PSMB7: variants seen among roughly 807,000 people sequenced by gnomAD.
PSMB7 encodes proteasome 20S subunit beta 7.
PSMB7 carries 5 observed loss-of-function variants against 28.1 expected under a neutral mutation model. That is an observed-to-expected ratio of 0.18 (90% confidence interval 0.09 to 0.37). The LOEUF is 0.37. PSMB7 is among the 10% of genes least tolerant of loss of function. PSMB7 has a pLI of 1.00. For missense variants in PSMB7, 275 were observed against 346.2 expected (o/e 0.79, Z 1.63); for synonymous variants, 122 against 123.7 (o/e 0.99, Z 0.09).
At chr9:124,392,711 G>A (rs1462095216) in intron 5 of PSMB7, among the ~76,000 whole-genome samples, 3 of 152,176 alleles carry the variant, frequency 2.0e-5, no homozygotes, top group East Asian at 3.8e-4. Context: ...TGGAAATAGA[G>A]GTCTTCAGAA....
chr9:124,382,311 G>C (rs1270676108), intron 6 of PSMB7, among the ~76,000 whole-genome samples: 1 of 132,626 alleles, frequency 7.5e-6, no homozygotes, highest in Non-Finnish European at 1.6e-5. Flanking sequence ...AGGTTCAAGT[G>C]ATTCTCCTTC....
chr9:124,375,948 C>T (rs1830606039), intron 6 of PSMB7, among the ~76,000 whole-genome samples: 1 of 152,162 alleles, frequency 6.6e-6, no homozygotes, highest in South Asian at 2.1e-4. Flanking sequence ...ACCTGAGCCC[C>T]CGTGGCAGGG....
At chr9:124,411,840 G>A (rs752313967) in intron 4 of PSMB7, among the ~76,000 whole-genome samples, 4 of 152,288 alleles carry the variant, frequency 2.6e-5, no homozygotes, top group Non-Finnish European at 4.4e-5. Context: ...TGCATAAAGC[G>A]CTTTAGCATA....
intron 4 of PSMB7, among the ~76,000 whole-genome samples, chr9:124,406,920 G>A (rs1346472446): frequency 6.6e-6 from 1 of 152,006 alleles, no homozygotes; most frequent in Non-Finnish European, 1.5e-5. Context: ...CTGGGTGGCC[G>A]AGGTTGCACT....
intron 5 of PSMB7, among the ~76,000 whole-genome samples, chr9:124,393,810 T>G (rs377080105): frequency 6.6e-6 from 1 of 152,232 alleles, no homozygotes; most frequent in East Asian, 1.9e-4. Flanking sequence ...TGCATTTTAA[T>G]GAAATGTCAC....
chr9:124,384,784 A>G (rs1482142799), intron 5 of PSMB7, 128 bp from the exon 6 acceptor site: 2 of 751,744 alleles, frequency 2.7e-6, no homozygotes, highest in Non-Finnish European at 4.3e-6. Context: ...GTAAATATTA[A>G]TTCTACAGGG....
At chr9:124,409,908 TG>T (rs1831010725) in intron 4 of PSMB7, among the ~76,000 whole-genome samples, 2 of 152,240 alleles carry the variant, frequency 1.3e-5, no homozygotes, top group African/African-American at 4.8e-5. Context: ...ATAATTATGC[TG>T]GTTTATATTT....
intron 5 of PSMB7, among the ~76,000 whole-genome samples, chr9:124,399,610 G>A (rs1830878607): frequency 6.6e-6 from 1 of 152,228 alleles, no homozygotes; most frequent in Non-Finnish European, 1.5e-5. Context: ...AGGGCCTAGA[G>A]CCCAACTGAA....
At chr9:124,389,971 A>G (rs1830768040) in intron 5 of PSMB7, among the ~76,000 whole-genome samples, 1 of 152,238 alleles carries the variant, frequency 6.6e-6, no homozygotes, top group Admixed American at 6.5e-5. Context: ...AAAGCCCTGA[A>G]ACTCCGAAAA....
chr9:124,390,562 AG>A (rs1339131709), intron 5 of PSMB7, among the ~76,000 whole-genome samples: 1 of 152,222 alleles, frequency 6.6e-6, no homozygotes, highest in African/African-American at 2.4e-5. Context: ...TCCATGCTAT[AG>A]TATTTAGTGG....
intron 5 of PSMB7, among the ~76,000 whole-genome samples, chr9:124,397,369 T>C (rs114649323): frequency 0.01 from 1,581 of 152,344 alleles, 23 homozygotes; most frequent in African/African-American, 0.036. Context: ...TCTGATATAT[T>C]AGTCTCCCAA....
chr9:124,392,955 C>T (rs1047377581), intron 5 of PSMB7, among the ~76,000 whole-genome samples: 5 of 152,168 alleles, frequency 3.3e-5, no homozygotes, highest in African/African-American at 1.2e-4. Flanking sequence ...AGTGTCAGCT[C>T]TCCCTGACAG....
rs554819252 is a variant in PSMB7 at position 124,357,128 on chromosome 9, C to T, written c.571-213G>A. On this transcript the variant is annotated intron_variant, in intron 6 of 7. Coordinates refer to ENST00000259457, the MANE Select transcript of PSMB7 (RefSeq NM_002799.4). The stretch of plus-strand genomic sequence containing the variant: ...CCTTTAAAACTTTTTATGCATGCAC[C>T]GCCTCTTGACCACATCAGACAATCA... Among the ~76,000 whole-genome samples, 62 of 152,206 alleles carry T rather than the reference C, an allele frequency of 4.1e-4. No individual in the cohort carries two copies. The Middle Eastern group carries it at 0.01, about 25-fold the overall frequency.
chr9:124,357,873 G>C (rs1475787466), intron 6 of PSMB7, among the ~76,000 whole-genome samples: 2 of 152,172 alleles, frequency 1.3e-5, no homozygotes, highest in Non-Finnish European at 2.9e-5. Flanking sequence ...GAACACAGCT[G>C]GTCAGCAGAG....
chr9:124,360,398 G>A (rs888179549), intron 6 of PSMB7, among the ~76,000 whole-genome samples: 4 of 152,206 alleles, frequency 2.6e-5, no homozygotes, highest in Non-Finnish European at 5.9e-5. Flanking sequence ...GCATCTGCCC[G>A]GGGACAGCTG....
intron 6 of PSMB7, among the ~76,000 whole-genome samples, chr9:124,366,883 T>C (rs1352802849): frequency 2.0e-5 from 3 of 152,242 alleles, no homozygotes; most frequent in African/African-American, 4.8e-5. Flanking sequence ...GGTTGCACCA[T>C]AGTGTATAGG....
rs149094712 is a variant in PSMB7, at chr9:124,405,306, G to A, written c.511+11C>T. ...GAGTACTCTTAAACATCAGGAAAAC[G>A]TTACACTCACCCATGGTGACATAAG... is the stretch of plus-strand genomic sequence containing the variant. On this transcript the variant is annotated intron_variant, in intron 5 of 7. Transcript: ENST00000259457. 61 of 1,563,288 alleles carry A rather than the reference G, an allele frequency of 3.9e-5. No homozygotes were observed. The East Asian group carries it at 6.5e-4, about 17-fold the overall frequency.
chr9:124,392,272 A>G (rs1830794692), intron 5 of PSMB7, among the ~76,000 whole-genome samples: 2 of 152,136 alleles, frequency 1.3e-5, no homozygotes, highest in African/African-American at 4.8e-5. Flanking sequence ...TCTTCAAACA[A>G]CCCATTCCCA....
intron 5 of PSMB7, among the ~76,000 whole-genome samples, chr9:124,392,664 A>G (rs1830799373): frequency 6.6e-6 from 1 of 152,180 alleles, no homozygotes; most frequent in Non-Finnish European, 1.5e-5. Flanking sequence ...TATTTTATAC[A>G]ATCACTCTCA....
Sources: allele counts gnomAD v4.1 joint callset (sites outside exome capture counted in the v4.1 genomes callset), GRCh38; gene constraint gnomAD v4.1.1; transcripts MANE v1.5; gene names NCBI Gene and HGNC (gene_info 2026-07-23, HGNC 2026-07-21).